The following CHST8 variants were observed in gnomAD, a reference collection of about 807,000 sequenced individuals.
The protein encoded by CHST8 is GALNAC-4-ST1.
A neutral mutation model predicts 15.0 loss-of-function variants in CHST8; 10 were observed. That is an observed-to-expected ratio of 0.67 (90% confidence interval 0.41 to 1.13). The LOEUF (loss-of-function observed/expected upper bound fraction) is 1.13, where lower values mean the gene tolerates loss of function less well. Among genes scored for constraint, CHST8 ranks in the 50% most tolerant of loss-of-function variants. CHST8 has a pLI of 0.00. For synonymous variants in CHST8, 259 were observed against 256.6 expected, an observed-to-expected ratio of 1.01 and a Z score of -0.09; for missense variants, 634 against 608.2, an observed-to-expected ratio of 1.04 and a Z score of -0.45.
Position 33,637,404 on chromosome 19 carries a change from CTT to C in CHST8, c.-164+15123_-164+15124del, listed in dbSNP as rs35709907. On this transcript the variant is annotated intron_variant, in intron 1 of 4. Coordinates refer to ENST00000650847, the MANE Select transcript of CHST8 (RefSeq NM_001127895.2). ...AGATACCTAAAGAAAGGTTCGCTTT[CTT>C]TTTTTTTTTTTTTTGAGACGGAGTC... 4.3e-3 allele frequency among the ~76,000 whole-genome samples: 576 copies of C among 133,782 alleles called. 2 individuals are homozygous for C. The highest frequency in any genetic ancestry group is 0.012 in the African/African-American group (440 of 35,528). 87.8% of individuals were successfully genotyped at this position (133,782 alleles called of 152,430 possible). A position where few individuals can be genotyped will look rare whatever the true frequency, so the allele number is the denominator to read the frequency against.
intron 1 of CHST8, among the ~76,000 whole-genome samples, chr19:33,638,667 G>A (rs150224636): frequency 4.6e-5 from 7 of 152,256 alleles, no homozygotes; most frequent in Admixed American, 2.0e-4. Context: ...AAATTCTGTC[G>A]GAAAGGGAGT....
intron 2 of CHST8, among the ~76,000 whole-genome samples, chr19:33,686,218 A>T (rs930671940): frequency 4.6e-5 from 7 of 152,126 alleles, no homozygotes; most frequent in Admixed American, 2.0e-4. Context: ...ACGTGAACAG[A>T]TGAAGCTCCA....
chr19:33,739,314 C>T (rs1441968940), intron 3 of CHST8, among the ~76,000 whole-genome samples: 1 of 152,172 alleles, frequency 6.6e-6, no homozygotes, highest in Non-Finnish European at 1.5e-5. Flanking sequence ...ATTAGCTCCA[C>T]TCCCCCAGCA....
intron 3 of CHST8, among the ~76,000 whole-genome samples, chr19:33,725,386 T>C (rs1973874369): frequency 6.6e-6 from 1 of 152,046 alleles, no homozygotes; most frequent in South Asian, 2.1e-4. Context: ...TTCCTGGTAA[T>C]GAAATCTGTG....
chr19:33,705,750 G>C (rs775512616), intron 3 of CHST8, among the ~76,000 whole-genome samples: 5 of 152,138 alleles, frequency 3.3e-5, no homozygotes, highest in African/African-American at 9.7e-5. Flanking sequence ...ACTCAGCAAG[G>C]GTCCCTTTGG....
At chr19:33,718,413 C>G (rs1973706970) in intron 3 of CHST8, among the ~76,000 whole-genome samples, 1 of 152,044 alleles carries the variant, frequency 6.6e-6, no homozygotes, top group South Asian at 2.1e-4. Context: ...CACATTTCAC[C>G]CCTGCCATCT....
intron 3 of CHST8, among the ~76,000 whole-genome samples, chr19:33,769,725 AAGGGTGCAGCC>A (rs1974931165): frequency 6.6e-6 from 1 of 152,014 alleles, no homozygotes; most frequent in Non-Finnish European, 1.5e-5. Context: ...CCACACCCTG[AAGGGTGCAGCC>A]AGGTCTACTT....
chr19:33,664,789 G>T (rs1040144562), intron 1 of CHST8, among the ~76,000 whole-genome samples: 3 of 151,434 alleles, frequency 2.0e-5, no homozygotes, highest in East Asian at 1.9e-4. Flanking sequence ...TGCCAATCTT[G>T]TCTCTGTCTT....
At chr19:33,637,859 GAAAA>G (rs566331956) in intron 1 of CHST8, among the ~76,000 whole-genome samples, 1 of 75,330 alleles carries the variant, frequency 1.3e-5, no homozygotes. Flanking sequence ...TATCTCTTAA[GAAAA>G]AAAAAAAAAA....
At chr19:33,652,101 A>G (rs981394478) in intron 1 of CHST8, among the ~76,000 whole-genome samples, 1 of 152,164 alleles carries the variant, frequency 6.6e-6, no homozygotes, top group Non-Finnish European at 1.5e-5. Context: ...AGGTGCATAT[A>G]GGTTCAAGAT....
chr19:33,632,767 GTGTGTA>G (rs1972138775), intron 1 of CHST8, among the ~76,000 whole-genome samples: 1 of 151,844 alleles, frequency 6.6e-6, no homozygotes. Flanking sequence ...GTGTGTGTGT[GTGTGTA>G]TGTGTGTGTG....
At chr19:33,768,244 C>T (rs1974891149) in intron 3 of CHST8, among the ~76,000 whole-genome samples, 1 of 152,174 alleles carries the variant, frequency 6.6e-6, no homozygotes, top group African/African-American at 2.4e-5. Flanking sequence ...GGGGAGGTCC[C>T]TTTAGATTTC....
intron 3 of CHST8, among the ~76,000 whole-genome samples, chr19:33,765,561 G>GTGTC (rs1280901510): frequency 0.028 from 3,860 of 137,014 alleles, 42 homozygotes; most frequent in East Asian, 0.059. Flanking sequence ...GTGTCAGAGA[G>GTGTC]AGAGAGAGAG....
chr19:33,720,078 G>A (rs947580569), intron 3 of CHST8, among the ~76,000 whole-genome samples: 5 of 152,090 alleles, frequency 3.3e-5, no homozygotes, highest in African/African-American at 7.2e-5. Flanking sequence ...CAGCTCCTCC[G>A]CCAGGCTGGA....
intron 3 of CHST8, among the ~76,000 whole-genome samples, chr19:33,741,187 G>C (rs530352524): frequency 1.7e-4 from 26 of 152,278 alleles, no homozygotes; most frequent in Admixed American, 3.3e-4. Context: ...TACCTACATG[G>C]TCCTGCTTGT....
chr19:33,742,888 T>C (rs1381280417), intron 3 of CHST8, among the ~76,000 whole-genome samples: 2 of 152,132 alleles, frequency 1.3e-5, no homozygotes, highest in East Asian at 3.9e-4. Context: ...CCGTGTGGTT[T>C]CTGTTATTTT....
intron 3 of CHST8, among the ~76,000 whole-genome samples, chr19:33,733,701 C>T (rs2145329174): frequency 6.6e-6 from 1 of 152,340 alleles, no homozygotes; most frequent in Middle Eastern, 3.4e-3. Context: ...GCATCCTAAA[C>T]CCCCTCTCTG....
At chr19:33,640,808 C>T (rs1972273913) in intron 1 of CHST8, among the ~76,000 whole-genome samples, 2 of 152,144 alleles carry the variant, frequency 1.3e-5, no homozygotes, top group Admixed American at 6.5e-5. Flanking sequence ...TGGGGTGCTC[C>T]ACGACGCCTC....
intron 3 of CHST8, among the ~76,000 whole-genome samples, chr19:33,723,283 C>T (rs903701992): frequency 1.3e-5 from 2 of 152,242 alleles, no homozygotes; most frequent in Admixed American, 6.5e-5. Flanking sequence ...TCTGTGTGCA[C>T]ATCCATGCAG....
Sources: gnomAD v4.1 joint callset for allele counts (sites outside exome capture counted in the v4.1 genomes callset) on GRCh38, gnomAD v4.1.1 for gene constraint, MANE v1.5 for transcripts, NCBI Gene and HGNC (gene_info 2026-07-23, HGNC 2026-07-21) for gene names.